Variants in CLSTN1 observed in about 807,000 individuals in gnomAD.
CLSTN1 encodes the protein calsyntenin-1.
Under a neutral mutation model 108.3 loss-of-function variants are expected in CLSTN1, and 28 were observed. The observed-to-expected ratio is 0.26, with a 90% CI of 0.19 to 0.35. The LOEUF (loss-of-function observed/expected upper bound fraction) is 0.35, where lower values mean the gene tolerates loss of function less well. CLSTN1 is among the 10% of genes least tolerant of loss of function. CLSTN1 has a pLI of 1.00. For missense variants in CLSTN1, 1,157 were observed against 1,302.6 expected (o/e 0.89, Z 1.72); for synonymous variants, 524 against 534.9 (o/e 0.98, Z 0.28).
Position 9,749,745 on chromosome 1 carries a change from G to C in CLSTN1, c.799+19C>G. The stretch of plus-strand genomic sequence containing the variant: ...GTTTTAAGAGCAGATGTGAGCGCAG[G>C]GGAGAGAATGAAGCTCACCTTGCCA... On this transcript the variant is annotated intron_variant, in intron 6 of 18. Transcript: ENST00000377298. The C allele has an allele frequency of 6.2e-7, 1 of 1,613,738 alleles. No individual in the cohort carries two copies. Among genetic ancestry groups the C allele is most frequent in the East Asian group, 2.2e-5 (1 of 44,886 alleles).
At chr1:9,786,648 CAAAAAAAAAAAAA>C (rs36003203) in intron 1 of CLSTN1, among the ~76,000 whole-genome samples, 2 of 37,094 alleles carry the variant, frequency 5.4e-5, no homozygotes, top group Non-Finnish European at 1.2e-4. Flanking sequence ...GACTCCGTCT[CAAAAAAAAAAAAA>C]AAAAAAAAAA....
intron 1 of CLSTN1, chr1:9,781,208 G>C: frequency 3.9e-6 from 3 of 771,890 alleles, no homozygotes; most frequent in Middle Eastern, 2.7e-4. Flanking sequence ...GGCTACTGAA[G>C]CACTAAAGGC....
chr1:9,808,055 G>A (rs981003073), intron 1 of CLSTN1, among the ~76,000 whole-genome samples: 22 of 152,142 alleles, frequency 1.4e-4, no homozygotes, highest in East Asian at 1.9e-4. Flanking sequence ...GCGCCTCACC[G>A]CTGGTTTACA....
intron 2 of CLSTN1, among the ~76,000 whole-genome samples, chr1:9,761,982 C>T (rs923795942): frequency 6.6e-6 from 1 of 152,192 alleles, no homozygotes; most frequent in Non-Finnish European, 1.5e-5. Context: ...GGAACCGCAA[C>T]AGTCCCACTG....
intron 1 of CLSTN1, among the ~76,000 whole-genome samples, chr1:9,806,233 G>A (rs956218148): frequency 1.3e-5 from 2 of 151,438 alleles, no homozygotes; most frequent in African/African-American, 4.9e-5. Flanking sequence ...GGGGGTGGAG[G>A]GGGGGAGGTT....
intron 8 of CLSTN1, 72 bp from the exon 9 acceptor site, chr1:9,744,077 TG>T: frequency 6.3e-7 from 1 of 1,580,974 alleles, no homozygotes; most frequent in South Asian, 1.1e-5. Context: ...GTTTCTTGAA[TG>T]GATTTTGAAG....
At chr1:9,765,315 C>G (rs1417139473) in intron 2 of CLSTN1, among the ~76,000 whole-genome samples, 1 of 151,576 alleles carries the variant, frequency 6.6e-6, no homozygotes, top group African/African-American at 2.4e-5. Flanking sequence ...ACCCAGGAGG[C>G]GGAGGTTGCG....
intron 8 of CLSTN1, 38 bp downstream of exon 8, chr1:9,744,357 A>C (rs1300556986): frequency 1.8e-5 from 29 of 1,576,612 alleles, no homozygotes; most frequent in Non-Finnish European, 2.5e-5. Flanking sequence ...CCTACTGGAC[A>C]CTGGGGCCTG....
rs1454279641 is a variant in CLSTN1 at position 9,734,558 on chromosome 1, G to C, written c.2110+390C>G. 4.7e-5 allele frequency among the ~76,000 whole-genome samples: 7 copies of C among 149,734 alleles called. No homozygotes were observed. The highest frequency in any genetic ancestry group is 2.7e-4 in the Admixed American group (4 of 15,036). On this transcript the variant is annotated intron_variant, in intron 14 of 18. Coordinates refer to ENST00000377298, the MANE Select transcript of CLSTN1 (RefSeq NM_001009566.3). The surrounding 1 kb of genome is among the most constrained non-coding windows in gnomAD (Gnocchi z 4.8). ...CCATTGCACTCCAGCCTGGGCGACAGAGTGAGACTCCATCTCAAAAAAAAA... is the reference window on the plus strand; with the variant it reads ...CCATTGCACTCCAGCCTGGGCGACACAGTGAGACTCCATCTCAAAAAAAAA...
At chr1:9,802,738 A>T (rs956222013) in intron 1 of CLSTN1, among the ~76,000 whole-genome samples, 1 of 152,128 alleles carries the variant, frequency 6.6e-6, no homozygotes, top group Non-Finnish European at 1.5e-5. Context: ...TCTTTGGTAA[A>T]ATGGGCTGCC....
At chr1:9,763,285 CA>C (rs1216184074) in intron 2 of CLSTN1, among the ~76,000 whole-genome samples, 3 of 152,084 alleles carry the variant, frequency 2.0e-5, no homozygotes, top group African/African-American at 7.2e-5. Context: ...ATATATGTAA[CA>C]ATAACCACAG....
chr1:9,746,414 G>A (rs898870938), intron 7 of CLSTN1, among the ~76,000 whole-genome samples: 2 of 152,260 alleles, frequency 1.3e-5, no homozygotes, highest in African/African-American at 4.8e-5. Flanking sequence ...GAAGACCTTG[G>A]TCCAAATCTT....
At chr1:9,751,441 C>T in intron 5 of CLSTN1, 32 bp downstream of exon 5, 1 of 1,608,992 alleles carries the variant, frequency 6.2e-7, no homozygotes, top group Non-Finnish European at 8.5e-7. Context: ...GGACTGTCTA[C>T]CTAGCTGAAA....
chr1:9,736,000 G>A lies in CLSTN1; in HGVS notation c.1619C>T (p.Ala540Val), dbSNP rs202090528. The A allele has an allele frequency of 2.5e-6, 4 of 1,614,178 alleles. No homozygotes were observed. The highest frequency in any genetic ancestry group is 3.4e-6 in the Non-Finnish European group (4 of 1,180,042). ...HMTQFFRGNL[A>V]GLTLRSGKLA... ...TTTCCCGGAACGGAGAGTTAAGCCA[G>A]CCAGATTGCCTCGGAAAAACTGGGT... The change falls in exon 12 of 19, where the codon GCT becomes GTT. Residue 540 changes from alanine (A) to valine (V), a missense_variant. Coordinates refer to ENST00000377298, the MANE Select transcript of CLSTN1 (RefSeq NM_001009566.3).
rs1428497128 is a variant in CLSTN1 at position 9,730,812 on chromosome 1, C to CT, written c.2749-108dup. ...GAGGAAGGAGAACTTGCCCCAGCGTCTCCCTCCCCAGCGACAGAGCAGCCA... is the reference window on the plus strand; with the variant it reads ...GAGGAAGGAGAACTTGCCCCAGCGTCTTCCCTCCCCAGCGACAGAGCAGCCA... On this transcript the variant is annotated intron_variant, in intron 18 of 18. Coordinates refer to ENST00000377298, the MANE Select transcript of CLSTN1 (RefSeq NM_001009566.3). This position sits in a 1 kb window ranked among gnomAD's most constrained non-coding sequence, Gnocchi z 5.6. The CT allele has an allele frequency of 9.3e-7, 1 of 1,076,962 alleles. No homozygotes were observed. The highest frequency in any genetic ancestry group is 1.4e-6 in the Non-Finnish European group (1 of 736,986). The allele number at this position is 1,076,962 out of a possible 1,614,324, so 66.7% of individuals were successfully genotyped here. A position where few individuals can be genotyped will look rare whatever the true frequency, so the allele number is the denominator to read the frequency against.
chr1:9,761,964 A>C (rs192305410), intron 2 of CLSTN1, among the ~76,000 whole-genome samples: 136 of 152,358 alleles, frequency 8.9e-4, no homozygotes, highest in African/African-American at 3.1e-3. Context: ...GCTGGAGACC[A>C]GGAAACAGGA....
chr1:9,748,043 A>C (rs1279159418), intron 7 of CLSTN1, among the ~76,000 whole-genome samples: 1 of 121,610 alleles, frequency 8.2e-6, no homozygotes, highest in South Asian at 2.3e-4. Context: ...GACTCTGTCT[A>C]AAAAAAAAAA....
rs191411718 is a variant in CLSTN1, at chr1:9,821,651, T to C, written c.91+1992A>G. On this transcript the variant is annotated intron_variant, in intron 1 of 18. Transcript: ENST00000377298. The stretch of plus-strand genomic sequence containing the variant: ...CCGTAAAAAATTCAATTAGTTGAAA[T>C]GATCTCTTAAAACGAGCCCACAGAG... Among the ~76,000 whole-genome samples the C allele has an allele frequency of 2.6e-3, 392 of 152,340 alleles. 3 individuals are homozygous for C. The highest frequency in any genetic ancestry group is 8.8e-3 in the African/African-American group (366 of 41,574).
At chr1:9,821,017 A>G (rs144565332) in intron 1 of CLSTN1, among the ~76,000 whole-genome samples, 1 of 152,324 alleles carries the variant, frequency 6.6e-6, no homozygotes, top group African/African-American at 2.4e-5. Flanking sequence ...ATATTCATAT[A>G]AGCTTTCTAT....
Sources: gnomAD v4.1 joint callset for allele counts (sites outside exome capture counted in the v4.1 genomes callset) on GRCh38, gnomAD v4.1.1 for gene constraint, Gnocchi (gnomAD v3.1) non-coding constraint, MANE v1.5 for transcripts, NCBI Gene and HGNC (gene_info 2026-07-23, HGNC 2026-07-21) for gene names.